Variants in SEL1L3 observed in about 807,000 individuals in gnomAD.
SEL1L3 encodes the protein SEL1L family member 3.
In SEL1L3, 76 loss-of-function variants were observed where a neutral mutation model predicts 142.8. That is an observed-to-expected ratio of 0.53 (90% CI 0.44 to 0.64). The LOEUF (loss-of-function observed/expected upper bound fraction) is 0.64, where lower values mean the gene tolerates loss of function less well. SEL1L3 is among the 30% of genes least tolerant of loss of function. The pLI is 0.00. For synonymous variants in SEL1L3, 504 were observed against 519.6 expected, an observed-to-expected ratio of 0.97 and a Z score of 0.41; for missense variants, 1,262 against 1,381.7, an observed-to-expected ratio of 0.91 and a Z score of 1.37.
chr4:25,782,384 T>C lies in SEL1L3; in HGVS notation c.2315A>G (p.Tyr772Cys), dbSNP rs1326546589. Reference protein sequence around the residue: ...LHQAVNGLGWYYHKFKKNYAK... With the variant: ...LHQAVNGLGWCYHKFKKNYAK... ...GTAATTTTTCTTGAATTTGTGGTAATACCATCCCAGGCCATTGACTGCCTG... is the reference window on the plus strand; with the variant it reads ...GTAATTTTTCTTGAATTTGTGGTAACACCATCCCAGGCCATTGACTGCCTG... The change falls in exon 15 of 24, where the codon TAT becomes TGT. Residue 772 changes from tyrosine (Y) to cysteine (C), a missense_variant. Tyr to Cys is a radical substitution (Grantham distance 194). Around this residue, in one of 3 missense-constraint regions of SEL1L3, gnomAD observed 435 missense variants for 559.2 expected, o/e 0.78. Transcript: ENST00000399878. 1 of 1,613,856 alleles carries C rather than the reference T, an allele frequency of 6.2e-7. No individual in the cohort carries two copies. Among genetic ancestry groups the C allele is most frequent in the Non-Finnish European group, 8.5e-7 (1 of 1,179,780 alleles).
At position 25,822,128 on chromosome 4, in the gene SEL1L3, G is replaced by A; in HGVS notation, c.1158C>T (p.Ser386=). 9.3e-6 allele frequency: 15 copies of A among 1,613,900 alleles called. No homozygotes were observed. The highest frequency in any genetic ancestry group is 1.3e-5 in the Non-Finnish European group (15 of 1,179,810). Residue 386 remains serine (S), a splice_region_variant and synonymous_variant, in exon 7 of 24, where the codon AGC becomes AGT. Transcript: ENST00000399878. ...CATTATAATGGAAATCCTCCCGGAAGCTAGAGAAGAGAATGAAGGATTAAG... is the reference window on the plus strand; with the variant it reads ...CATTATAATGGAAATCCTCCCGGAAACTAGAGAAGAGAATGAAGGATTAAG... The part of the protein sequence containing the change: ...DLKSYHNQTI[S]FREDFHYNDT...
chr4:25,728,783 G>T, the SEL1L3 span, among the ~76,000 whole-genome samples: 1 of 149,322 alleles, frequency 6.7e-6, no homozygotes, highest in Non-Finnish European at 1.5e-5. Flanking sequence ...TGGGGCAGAA[G>T]AATTGCTTGA....
At chr4:25,764,383 C>T (rs1450155148) in intron 20 of SEL1L3, among the ~76,000 whole-genome samples, 1 of 152,158 alleles carries the variant, frequency 6.6e-6, no homozygotes. Flanking sequence ...ATAATACTGT[C>T]CCAACATTAA....
intron 6 of SEL1L3, among the ~76,000 whole-genome samples, chr4:25,827,162 T>G (rs4692365): frequency 0.27 from 41,073 of 152,108 alleles, 6,801 homozygotes; most frequent in Non-Finnish European, 0.35. Context: ...TATTAATATG[T>G]TACTTATCAT....
chr4:25,848,531 T>C (rs1342814787), intron 1 of SEL1L3, among the ~76,000 whole-genome samples: 2 of 152,338 alleles, frequency 1.3e-5, no homozygotes, highest in East Asian at 3.9e-4. Context: ...AATGTTTATT[T>C]ATCTGGTCAT....
At chr4:25,749,122 A>G (rs1717425982) in intron 23 of SEL1L3, among the ~76,000 whole-genome samples, 1 of 152,122 alleles carries the variant, frequency 6.6e-6, no homozygotes, top group Non-Finnish European at 1.5e-5. Context: ...CTAACAAGGG[A>G]CCTTGGGATA....
At chr4:25,725,657 C>G in the SEL1L3 span, among the ~76,000 whole-genome samples, 1 of 152,082 alleles carries the variant, frequency 6.6e-6, no homozygotes, top group African/African-American at 2.4e-5. Context: ...ATACGCTAAA[C>G]AAGGGGTGGA....
At chr4:25,791,059 C>G (rs1340705798) in intron 11 of SEL1L3, among the ~76,000 whole-genome samples, 1 of 152,218 alleles carries the variant, frequency 6.6e-6, no homozygotes, top group Non-Finnish European at 1.5e-5. Context: ...ACATCTACTT[C>G]TATTGCTCAG....
intron 11 of SEL1L3, among the ~76,000 whole-genome samples, chr4:25,794,290 T>C (rs766854229): frequency 6.6e-6 from 1 of 152,172 alleles, no homozygotes; most frequent in African/African-American, 2.4e-5. Context: ...AAAAGTCTAA[T>C]ATCCAGAGTC....
At chr4:25,819,506 G>A (rs1271246221) in intron 8 of SEL1L3, among the ~76,000 whole-genome samples, 1 of 152,184 alleles carries the variant, frequency 6.6e-6, no homozygotes, top group African/African-American at 2.4e-5. Context: ...CTTATGGTTG[G>A]GAATAACGCC....
At chr4:25,731,590 A>G in the SEL1L3 span, among the ~76,000 whole-genome samples, 28 of 152,184 alleles carry the variant, frequency 1.8e-4, no homozygotes, top group Non-Finnish European at 1.5e-5. Context: ...GAATCAATTG[A>G]TAGGTACTCT....
intron 5 of SEL1L3, among the ~76,000 whole-genome samples, chr4:25,831,511 AT>A (rs750247438): frequency 0.35 from 31,601 of 89,066 alleles, 4,643 homozygotes; most frequent in African/African-American, 0.5. Context: ...AATAATAATA[AT>A]TATTATTATT....
chr4:25,788,416 C>T lies in SEL1L3; in HGVS notation c.2077-52G>A, dbSNP rs1371338789. 2.5e-6 allele frequency: 4 copies of T among 1,586,400 alleles called. No homozygotes were observed. Among genetic ancestry groups the T allele is most frequent in the Non-Finnish European group, 3.4e-6 (4 of 1,162,398 alleles). ...ATGACTTTTCCTGTATAATGCTTAA[C>T]ACAAGATTTTGAAAGGTGGGAGAGC... On this transcript the variant is annotated intron_variant, in intron 12 of 23. Transcript: ENST00000399878. This position sits in a 1 kb window ranked among gnomAD's most constrained non-coding sequence, Gnocchi z 5.3.
At chr4:25,731,741 G>T in the SEL1L3 span, among the ~76,000 whole-genome samples, 1 of 151,978 alleles carries the variant, frequency 6.6e-6, no homozygotes, top group Non-Finnish European at 1.5e-5. Context: ...TTGTTCATGG[G>T]CATTTGGGTT....
intron 20 of SEL1L3, among the ~76,000 whole-genome samples, chr4:25,763,026 A>G (rs1718483192): frequency 6.6e-6 from 1 of 152,034 alleles, no homozygotes; most frequent in Non-Finnish European, 1.5e-5. Context: ...TGACAGATAC[A>G]TCTGCTTGTG....
At chr4:25,861,455 G>C (rs1560368168) in intron 1 of SEL1L3, among the ~76,000 whole-genome samples, 1 of 152,164 alleles carries the variant, frequency 6.6e-6, no homozygotes. Context: ...TTCAAGAAAT[G>C]AAACATTCAA....
At chr4:25,764,710 G>A (rs914834095) in intron 20 of SEL1L3, among the ~76,000 whole-genome samples, 14 of 152,074 alleles carry the variant, frequency 9.2e-5, no homozygotes, top group Non-Finnish European at 1.9e-4. Context: ...TTAGGAGCTG[G>A]GCATTTTGCT....
the SEL1L3 span, among the ~76,000 whole-genome samples, chr4:25,737,415 CTG>C: frequency 6.6e-6 from 1 of 152,142 alleles, no homozygotes; most frequent in Non-Finnish European, 1.5e-5. Flanking sequence ...TGCCATCTTG[CTG>C]TGTGCTTGCA....
At chr4:25,772,651 G>C (rs1374679934) in intron 17 of SEL1L3, among the ~76,000 whole-genome samples, 1 of 151,756 alleles carries the variant, frequency 6.6e-6, no homozygotes, top group Non-Finnish European at 1.5e-5. Flanking sequence ...GGAAAGAAAA[G>C]AGAGGAAGGA....
Sources: allele counts gnomAD v4.1 joint callset (sites outside exome capture counted in the v4.1 genomes callset), GRCh38; gene constraint gnomAD v4.1.1; regional missense constraint gnomAD v4.1.1; non-coding constraint Gnocchi (gnomAD v3.1); transcripts MANE v1.5; gene names NCBI Gene and HGNC (gene_info 2026-07-23, HGNC 2026-07-21).